GALC: variants seen among roughly 807,000 people sequenced by gnomAD.
GALC encodes galactocerebrosidase.
A neutral mutation model predicts 91.8 loss-of-function variants in GALC; 77 were observed. The observed-to-expected ratio is 0.84, with a 90% CI of 0.70 to 1.01. The LOEUF is 1.01. Ranked by LOEUF, GALC falls within the 50% of genes least tolerant of loss-of-function variation. GALC has a pLI of 0.00. For missense variants in GALC, 882 were observed against 855.9 expected (o/e 1.03, Z -0.38); for synonymous variants, 357 against 306.7 (o/e 1.16, Z -1.71).
chr14:87,959,284 C>G (rs1382474358), intron 10 of GALC, among the ~76,000 whole-genome samples: 1 of 152,104 alleles, frequency 6.6e-6, no homozygotes, highest in East Asian at 1.9e-4. Flanking sequence ...TCACTTCCCT[C>G]TACTTAGAAT....
At chr14:87,963,647 C>T in intron 9 of GALC, 136 bp from the exon 10 acceptor site, 1 of 696,466 alleles carries the variant, frequency 1.4e-6, no homozygotes, top group Admixed American at 2.7e-5. Flanking sequence ...AGGAATATAT[C>T]CGTCAACCTC....
intron 6 of GALC, among the ~76,000 whole-genome samples, chr14:87,980,035 T>C (rs1199763354): frequency 1.3e-5 from 2 of 152,046 alleles, no homozygotes. Context: ...CTGGCTGCAA[T>C]AGATCTTCTC....
chr14:87,978,904 T>C (rs1886625082), intron 6 of GALC, among the ~76,000 whole-genome samples: 1 of 152,140 alleles, frequency 6.6e-6, no homozygotes, highest in Non-Finnish European at 1.5e-5. Context: ...TATTTATTTC[T>C]ACTATTAAAA....
At chr14:87,945,975 G>A (rs1885055913) in intron 13 of GALC, among the ~76,000 whole-genome samples, 3 of 152,054 alleles carry the variant, frequency 2.0e-5, no homozygotes, top group Non-Finnish European at 4.4e-5. Flanking sequence ...GGCATCTGGT[G>A]TAGAGGAAAG....
At position 87,941,516 on chromosome 14, in the gene GALC, A is replaced by AG. The variant is rs1555378701; in HGVS notation, c.1712dup (p.Asp572Ter). On this transcript the variant is annotated frameshift_variant, in exon 15 of 17. Transcript: ENST00000261304. LOFTEE classifies it high-confidence loss of function. The stretch of plus-strand genomic sequence containing the variant: ...CTGCAATGAACACACCTCCTGTGTC[A>AG]GGGGTCTCTATGTATACATCACACT... 1 of 1,593,962 alleles carries AG rather than the reference A, an allele frequency of 6.3e-7. No homozygotes were observed. The highest frequency in any genetic ancestry group is 1.1e-5 in the South Asian group (1 of 90,654).
chr14:87,948,604 CA>C (rs760905629), intron 12 of GALC, among the ~76,000 whole-genome samples: 49 of 151,894 alleles, frequency 3.2e-4, no homozygotes, highest in Non-Finnish European at 6.5e-4. Flanking sequence ...GAAATTTGAA[CA>C]GTTTTTTTCT....
At chr14:87,988,006 A>T (rs1887044679) in intron 3 of GALC, 138 bp downstream of exon 3, 1 of 685,400 alleles carries the variant, frequency 1.5e-6, no homozygotes, top group Non-Finnish European at 2.6e-6. Flanking sequence ...CAGTTAAAAA[A>T]TGAGGAAAAC....
At chr14:87,937,943 A>G (rs530026724) in intron 16 of GALC, among the ~76,000 whole-genome samples, 44 of 151,434 alleles carry the variant, frequency 2.9e-4, no homozygotes, top group African/African-American at 1.1e-3. Context: ...AAAAAAAGTC[A>G]TTTTTTCCTA....
rs986248813 is a variant in GALC, at chr14:87,950,574, G to A, written c.1251+85C>T. 156 of 825,088 alleles carry A rather than the reference G, an allele frequency of 1.9e-4. 1 individual carries two copies. Among genetic ancestry groups the A allele is most frequent in the Non-Finnish European group, 3.3e-5 (16 of 491,858 alleles). The allele number at this position is 825,088 out of a possible 1,614,324, so 51.1% of individuals were successfully genotyped here. ...AAACTGTTAAAAGTTCATAATATAA[G>A]GCTTCACTTAAGAACTACTGGCCTG... is the stretch of plus-strand genomic sequence containing the variant. On this transcript the variant is annotated intron_variant, in intron 11 of 16. Coordinates refer to ENST00000261304, the MANE Select transcript of GALC (RefSeq NM_000153.4).
In GALC at chr14:87,953,589, C is replaced by G. The variant is rs1885398338; in HGVS notation, c.1162-2841G>C. 5.0e-6 allele frequency: 8 copies of G among 1,609,424 alleles called. No individual in the cohort carries two copies. The Admixed American group carries it at 1.2e-4, about 24-fold the overall frequency. On this transcript the variant is annotated intron_variant, in intron 10 of 16. Coordinates refer to ENST00000261304, the MANE Select transcript of GALC (RefSeq NM_000153.4). ...TGTGTAGCTCAGGAATACTGTGTTC[C>G]CAACTAAACACCTTCCACAAAAGTG... is the stretch of plus-strand genomic sequence containing the variant.
intron 8 of GALC, among the ~76,000 whole-genome samples, chr14:87,966,257 C>T (rs1048654255): frequency 1.3e-5 from 2 of 152,156 alleles, no homozygotes; most frequent in Non-Finnish European, 2.9e-5. Flanking sequence ...TATGATTCCA[C>T]TTCATCTATA....
chr14:87,991,661 T>G (rs1332867285), intron 1 of GALC, among the ~76,000 whole-genome samples: 2 of 152,254 alleles, frequency 1.3e-5, no homozygotes, highest in East Asian at 3.8e-4. Flanking sequence ...GCAAGAATTT[T>G]CATTATTTAG....
At chr14:87,949,765 C>A in intron 12 of GALC, 80 bp downstream of exon 12, 1 of 749,862 alleles carries the variant, frequency 1.3e-6, no homozygotes, top group East Asian at 2.5e-5. Context: ...AATAAAAATT[C>A]TTAATTAATG....
chr14:87,954,320 A>G, intron 10 of GALC: 1 of 1,589,602 alleles, frequency 6.3e-7, no homozygotes, highest in East Asian at 2.2e-5. Context: ...TGACAGAGGC[A>G]GTATACAGTT....
At chr14:87,981,852 CAAAG>C (rs1886763353) in intron 6 of GALC, among the ~76,000 whole-genome samples, 1 of 151,414 alleles carries the variant, frequency 6.6e-6, no homozygotes, top group South Asian at 2.1e-4. Flanking sequence ...TGACAAAAGA[CAAAG>C]AAAAAAAGCT....
chr14:87,990,447 C>T lies in GALC; in HGVS notation c.196-1924G>A, dbSNP rs75516076. ...GTAAAGGACTTGGCACATTACCTGG[C>T]ACATAGTAAGTTCTCAATAAAGGCA... On this transcript the variant is annotated intron_variant, in intron 1 of 16. Transcript: ENST00000261304. Among the ~76,000 whole-genome samples the T allele has an allele frequency of 2.6e-5, 4 of 152,288 alleles. No individual in the cohort carries two copies. The South Asian group carries it at 6.2e-4, about 24-fold the overall frequency.
chr14:87,949,830 T>G lies in GALC; in HGVS notation c.1338+15A>C. 1 of 1,390,318 alleles carries G rather than the reference T, an allele frequency of 7.2e-7. No individual in the cohort carries two copies. The highest frequency in any genetic ancestry group is 1.2e-5 in the South Asian group (1 of 85,836). The allele number at this position is 1,390,318 out of a possible 1,614,324, so 86.1% of individuals were successfully genotyped here. On this transcript the variant is annotated intron_variant, in intron 12 of 16. Transcript: ENST00000261304. Reference sequence around the variant, plus strand: ...GTTGGAATACCCAAAATATAAGAATTTACTTTAAAATTACCCATAGAGAAT... The same window carrying G: ...GTTGGAATACCCAAAATATAAGAATGTACTTTAAAATTACCCATAGAGAAT...
chr14:87,958,264 A>G (rs546069487), intron 10 of GALC, among the ~76,000 whole-genome samples: 2 of 152,302 alleles, frequency 1.3e-5, no homozygotes, highest in South Asian at 2.1e-4. Context: ...CAGAGCAACA[A>G]GGGAATTCAG....
At chr14:87,972,651 C>T (rs890524932) in intron 7 of GALC, among the ~76,000 whole-genome samples, 5 of 151,948 alleles carry the variant, frequency 3.3e-5, no homozygotes, top group Admixed American at 6.6e-5. Flanking sequence ...CAAAAACACA[C>T]TTTGGAAATG....
Sources: allele counts gnomAD v4.1 joint callset (sites outside exome capture counted in the v4.1 genomes callset), GRCh38; gene constraint gnomAD v4.1.1; transcripts MANE v1.5; gene names NCBI Gene and HGNC (gene_info 2026-07-23, HGNC 2026-07-21).